The following ZNF445 variants were observed in gnomAD, a reference collection of about 807,000 sequenced individuals.
ZNF445 encodes zinc finger protein 168.
Under a neutral mutation model 93.9 loss-of-function variants are expected in ZNF445, and 19 were observed. The ratio of observed to expected loss-of-function variants is 0.20; its 90% CI spans 0.14 to 0.30. The LOEUF is 0.30. ZNF445 is among the 10% of genes least tolerant of loss of function. ZNF445 has a pLI of 1.00. For missense variants in ZNF445, 1,058 were observed against 1,259.4 expected, an observed-to-expected ratio of 0.84 and a Z score of 2.42; for synonymous variants, 449 against 446.3, an observed-to-expected ratio of 1.01 and a Z score of -0.08.
At position 44,447,566 on chromosome 3, in the gene ZNF445, A is replaced by G. The variant is rs142585603; in HGVS notation, c.2105T>C (p.Ile702Thr). ...CTGGTAAGGTTTCTCACCTGTGTGA[A>G]TTCTCTGGTGGTCAACGAGAGTTTT... ...RKKTLVDHQR[I>T]HTGEKPYQCS... is the part of the protein sequence containing the mutation. The change falls in exon 8 of 8, where the codon ATT (isoleucine) becomes ACT (threonine). Residue 702 changes from isoleucine to threonine, a missense_variant. Transcript: ENST00000396077. The surrounding 1 kb of genome is among the most constrained non-coding windows in gnomAD (Gnocchi z 4.7). 6.2e-7 allele frequency: 1 copy of G among 1,614,032 alleles called. No homozygotes were observed. The highest frequency in any genetic ancestry group is 1.3e-5 in the African/African-American group (1 of 74,916).
intron 1 of ZNF445, among the ~76,000 whole-genome samples, chr3:44,475,232 C>T (rs1204816928): frequency 6.6e-6 from 1 of 152,098 alleles, no homozygotes; most frequent in Non-Finnish European, 1.5e-5. Flanking sequence ...GAGTTTCACT[C>T]TTGTTGCCCA....
Position 44,448,513 on chromosome 3 carries a change from T to C in ZNF445, c.1158A>G (p.Lys386=), listed in dbSNP as rs746940904. 1 of 1,613,842 alleles carries C rather than the reference T, an allele frequency of 6.2e-7. No individual in the cohort carries two copies. Among genetic ancestry groups the C allele is most frequent in the South Asian group, 1.1e-5 (1 of 91,024 alleles). The part of the protein sequence containing the change: ...EETNFSHRTG[K]DSEVSGSNSL... ...TATTACTTCCTGATACTTCAGAGTC[T>C]TTTCCTGTCCTGTGACTGAAATTGG... Residue 386 remains lysine, a synonymous_variant, in exon 8 of 8, where the codon AAA becomes AAG. Transcript: ENST00000396077.
chr3:44,461,374 T>C (rs1559397576), intron 1 of ZNF445, among the ~76,000 whole-genome samples: 1 of 61,006 alleles, frequency 1.6e-5, no homozygotes. Flanking sequence ...AGACCGAGAA[T>C]AGGAGGATAG....
At chr3:44,457,019 C>T (rs978466033) in intron 2 of ZNF445, among the ~76,000 whole-genome samples, 5 of 152,186 alleles carry the variant, frequency 3.3e-5, no homozygotes, top group African/African-American at 4.8e-5. Flanking sequence ...ATCCCAGCTA[C>T]TCGGGAGGCT....
chr3:44,432,261 G>GTT lies in ZNF445; in HGVS notation c.*14313_*14314insAA, dbSNP rs1189880865. 8 of 136,128 alleles carry GTT rather than the reference G, an allele frequency of 5.9e-5. No individual in the cohort carries two copies. The highest frequency in any genetic ancestry group is 1.3e-4 in the Non-Finnish European group (8 of 63,952). The allele number at this position is 136,128 out of a possible 1,614,324, so 8.4% of individuals were successfully genotyped here. On this transcript the variant is annotated 3_prime_UTR_variant, in exon 8 of 8. Coordinates refer to ENST00000396077, the MANE Select transcript of ZNF445 (RefSeq NM_181489.6). ...TATTGGAACACATCTACACTCATTT[G>GTT]TGTGTGTGTGTCTGTGTGTGTGTGT... is the stretch of plus-strand genomic sequence containing the variant.
At chr3:44,471,641 G>C (rs1698269842) in intron 1 of ZNF445, among the ~76,000 whole-genome samples, 1 of 152,140 alleles carries the variant, frequency 6.6e-6, no homozygotes, top group Non-Finnish European at 1.5e-5. Flanking sequence ...ACTGTCAAAA[G>C]AAATGACAGT....
chr3:44,446,053 C>T lies in ZNF445; in HGVS notation c.*522G>A, dbSNP rs78585428. 0.11 allele frequency: 17,904 copies of T among 164,566 alleles called. 1,053 individuals carry two copies. Among genetic ancestry groups the T allele is most frequent in the Middle Eastern group, 0.18 (58 of 330 alleles). The allele number at this position is 164,566 out of a possible 1,614,324, so 10.2% of individuals were successfully genotyped here. A position where few individuals can be genotyped will look rare whatever the true frequency, so the allele number is the denominator to read the frequency against. On this transcript the variant is annotated 3_prime_UTR_variant, in exon 8 of 8. Transcript: ENST00000396077. The surrounding 1 kb of genome is among the most constrained non-coding windows in gnomAD (Gnocchi z 4.2). ...ACCACTCTAACCCCCTAGCAGATAT[C>T]CAAAAGCCAGCCAGGAAGGCTGAAG...
chr3:44,458,682 T>G (rs1240264221), intron 1 of ZNF445, among the ~76,000 whole-genome samples: 1 of 152,134 alleles, frequency 6.6e-6, no homozygotes, highest in Non-Finnish European at 1.5e-5. Context: ...AACACCTCTC[T>G]CTGACCTTTT....
At chr3:44,469,670 G>A (rs1559399801) in intron 1 of ZNF445, among the ~76,000 whole-genome samples, 1 of 152,078 alleles carries the variant, frequency 6.6e-6, no homozygotes, top group Non-Finnish European at 1.5e-5. Flanking sequence ...TCAGGAGGCT[G>A]AGGCAGGAGA....
chr3:44,447,203 C>T lies in ZNF445; in HGVS notation c.2468G>A (p.Ser823Asn), dbSNP rs2125678238. ...SLQKQYDCHE[S>N]EKTPNVEPKI... ...TGGCTCCACATTTGGAGTCTTTTCA[C>T]TTTCATGGCAATCATACTGTTTTTG... The change falls in exon 8 of 8, where the codon AGT (serine) becomes AAT (asparagine). Residue 823 changes from serine (S) to asparagine (N), a missense_variant. Ser to Asn is a conservative substitution (Grantham distance 46). Transcript: ENST00000396077. This position sits in a 1 kb window ranked among gnomAD's most constrained non-coding sequence, Gnocchi z 4.7. 6.2e-7 allele frequency: 1 copy of T among 1,614,198 alleles called. No homozygotes were observed. Among genetic ancestry groups the T allele is most frequent in the African/African-American group, 1.3e-5 (1 of 75,062 alleles).
intron 1 of ZNF445, among the ~76,000 whole-genome samples, chr3:44,464,414 T>C (rs879878216): frequency 2.0e-5 from 3 of 152,238 alleles, no homozygotes; most frequent in Non-Finnish European, 2.9e-5. Context: ...TTTCTATATG[T>C]TGTATGTTTA....
intron 1 of ZNF445, among the ~76,000 whole-genome samples, chr3:44,473,491 A>ACACACACACAC (rs768926978): frequency 1.0e-4 from 9 of 89,990 alleles, no homozygotes; most frequent in African/African-American, 2.6e-4. Context: ...ACACACACAC[A>ACACACACACAC]AAAAATGCTT....
At chr3:44,476,329 T>A (rs1698352393) in intron 1 of ZNF445, among the ~76,000 whole-genome samples, 1 of 152,178 alleles carries the variant, frequency 6.6e-6, no homozygotes, top group African/African-American at 2.4e-5. Flanking sequence ...TACTGAGGTT[T>A]ATCTTCAAAA....
Position 44,435,618 on chromosome 3 carries a change from G to C in ZNF445, c.*10957C>G, listed in dbSNP as rs1159673782. On this transcript the variant is annotated 3_prime_UTR_variant, in exon 8 of 8. Coordinates refer to ENST00000396077, the MANE Select transcript of ZNF445 (RefSeq NM_181489.6). ...GGTATTAGTTTGCTTTAATATTTTTGTGAATGAGGCAGCTCTAGTGGCTTC... is the reference window on the plus strand; with the variant it reads ...GGTATTAGTTTGCTTTAATATTTTTCTGAATGAGGCAGCTCTAGTGGCTTC... The C allele has an allele frequency of 6.6e-6, 1 of 152,164 alleles. No homozygotes were observed. The highest frequency in any genetic ancestry group is 1.5e-5 in the Non-Finnish European group (1 of 68,028). The allele number at this position is 152,164 out of a possible 1,614,324, so 9.4% of individuals were successfully genotyped here. A position where few individuals can be genotyped will look rare whatever the true frequency, so the allele number is the denominator to read the frequency against.
rs750050534 is a variant in ZNF445, at chr3:44,446,882, G to A, written c.2789C>T (p.Ala930Val). ...CTTTGTGTCCTGAGAGGAAGACCGT[G>A]CAGGCGGGCTACGTTCAGCCTGTGC... is the stretch of plus-strand genomic sequence containing the variant. ...RAAQAERSPP[A>V]RSSSQDTKLR... The change falls in exon 8 of 8, where the codon GCA (alanine) becomes GTA (valine). Residue 930 changes from alanine (A) to valine (V), a missense_variant. Ala to Val is a moderately conservative substitution (Grantham distance 64). This residue lies in a region of ZNF445 where 387 missense variants were observed against 475.7 expected (regional missense o/e 0.81). Transcript: ENST00000396077. The surrounding 1 kb of genome is among the most constrained non-coding windows in gnomAD (Gnocchi z 4.2). The A allele has an allele frequency of 1.2e-6, 2 of 1,614,204 alleles. No homozygotes were observed. The highest frequency in any genetic ancestry group is 1.7e-6 in the Non-Finnish European group (2 of 1,180,038).
rs1697900276 is a variant in ZNF445, at chr3:44,447,757, T to C, written c.1914A>G (p.Ser638=). Residue 638 remains serine, a synonymous_variant, in exon 8 of 8, where the codon TCA becomes TCG. Coordinates refer to ENST00000396077, the MANE Select transcript of ZNF445 (RefSeq NM_181489.6). The surrounding 1 kb of genome is among the most constrained non-coding windows in gnomAD (Gnocchi z 4.7). ...GCAACCTCATATGACGAGTAAAGTT[T>C]GATCTCCATCTAAAGGTTTTCCTAC... ...TKCRKTFRWR[S]NFTRHMRLHE... The C allele has an allele frequency of 6.2e-7, 1 of 1,614,070 alleles. No homozygotes were observed. The highest frequency in any genetic ancestry group is 1.1e-5 in the South Asian group (1 of 91,090).
intron 1 of ZNF445, among the ~76,000 whole-genome samples, chr3:44,459,927 T>C (rs1698086402): frequency 6.6e-6 from 1 of 152,152 alleles, no homozygotes. Flanking sequence ...GAGAGCTAGG[T>C]GTGGTGGCTC....
In ZNF445 at chr3:44,444,304, G is replaced by C. The variant is rs1410536255; in HGVS notation, c.*2271C>G. 6.6e-6 allele frequency: 1 copy of C among 152,212 alleles called. No homozygotes were observed. The highest frequency in any genetic ancestry group is 2.4e-5 in the African/African-American group (1 of 41,436). The allele number at this position is 152,212 out of a possible 1,614,324, so 9.4% of individuals were successfully genotyped here. On this transcript the variant is annotated 3_prime_UTR_variant, in exon 8 of 8. Transcript: ENST00000396077. ...TGACATGGAAGCTGCACCTCTGAGAGGGCCCTGGTCCTAGAGGTCAACCAC... is the reference window on the plus strand; with the variant it reads ...TGACATGGAAGCTGCACCTCTGAGACGGCCCTGGTCCTAGAGGTCAACCAC...
chr3:44,445,599 T>TAG lies in ZNF445; in HGVS notation c.*974_*975dup, dbSNP rs1315147365. 6.6e-6 allele frequency: 1 copy of TAG among 152,540 alleles called. No homozygotes were observed. Among genetic ancestry groups the TAG allele is most frequent in the Non-Finnish European group, 1.5e-5 (1 of 68,264 alleles). The allele number at this position is 152,540 out of a possible 1,614,324, so 9.4% of individuals were successfully genotyped here. A position where few individuals can be genotyped will look rare whatever the true frequency, so the allele number is the denominator to read the frequency against. Reference sequence around the variant, plus strand: ...AATCTCCTCTGCCTGCAACTCTCCCTAGAGAGCTACCTGCTACCTCCCTGG... The same window carrying TAG: ...AATCTCCTCTGCCTGCAACTCTCCCTAGAGAGAGCTACCTGCTACCTCCCTGG... On this transcript the variant is annotated 3_prime_UTR_variant, in exon 8 of 8. Transcript: ENST00000396077.
Sources: gnomAD v4.1 joint callset for allele counts (sites outside exome capture counted in the v4.1 genomes callset) on GRCh38, gnomAD v4.1.1 for gene constraint, gnomAD v4.1.1 regional missense constraint, Gnocchi (gnomAD v3.1) non-coding constraint, MANE v1.5 for transcripts, NCBI Gene and HGNC (gene_info 2026-07-23, HGNC 2026-07-21) for gene names.